Variants in TP63 observed in about 807,000 individuals in gnomAD.
The protein encoded by TP63 is tumor protein 63.
TP63 carries 17 observed loss-of-function variants against 82.8 expected under a neutral mutation model. That is an observed-to-expected ratio of 0.21 (90% CI 0.14 to 0.31). The LOEUF (loss-of-function observed/expected upper bound fraction) is 0.31, where lower values mean the gene tolerates loss of function less well. TP63 is among the 10% of genes least tolerant of loss of function. TP63 has a pLI of 1.00. For missense variants in TP63, 648 were observed against 895.3 expected (o/e 0.72, Z 3.52); for synonymous variants, 330 against 321.7 (o/e 1.03, Z -0.28).
intron 5 of TP63, among the ~76,000 whole-genome samples, chr3:189,864,800 A>G (rs1355879409): frequency 6.6e-6 from 1 of 151,820 alleles, no homozygotes; most frequent in East Asian, 1.9e-4. Flanking sequence ...AGGTCAGGAG[A>G]TCGAGACCAT....
intron 3 of TP63, among the ~76,000 whole-genome samples, chr3:189,779,234 C>T (rs1353990989): frequency 2.5e-4 from 38 of 152,096 alleles, no homozygotes; most frequent in Admixed American, 2.5e-3. Context: ...TTTTTTAATC[C>T]CTTTGTGACA....
chr3:189,626,072 C>T, the TP63 span, among the ~76,000 whole-genome samples: 2 of 152,168 alleles, frequency 1.3e-5, no homozygotes, highest in East Asian at 1.9e-4. Flanking sequence ...AAGCACATGG[C>T]TAAGGTTGCA....
At chr3:189,676,071 A>G (rs1183924062) in intron 1 of TP63, among the ~76,000 whole-genome samples, 1 of 152,164 alleles carries the variant, frequency 6.6e-6, no homozygotes, top group Admixed American at 6.6e-5. Flanking sequence ...GTATAACATT[A>G]TGTTTTGATG....
intron 4 of TP63, among the ~76,000 whole-genome samples, chr3:189,855,329 A>C (rs952887893): frequency 6.6e-6 from 1 of 152,188 alleles, no homozygotes; most frequent in African/African-American, 2.4e-5. Context: ...AAAATTCTAC[A>C]AGAAACTATG....
intron 3 of TP63, among the ~76,000 whole-genome samples, chr3:189,753,839 T>C (rs1721993969): frequency 6.6e-6 from 1 of 152,118 alleles, no homozygotes; most frequent in South Asian, 2.1e-4. Context: ...ATATTTTTAG[T>C]GATGGCTCTA....
chr3:189,618,369 C>A, the TP63 span, among the ~76,000 whole-genome samples: 1 of 152,184 alleles, frequency 6.6e-6, no homozygotes, highest in Non-Finnish European at 1.5e-5. Flanking sequence ...CTGACCCATT[C>A]TTTCCTTTTC....
intron 3 of TP63, among the ~76,000 whole-genome samples, chr3:189,777,944 C>A (rs928564810): frequency 7.2e-6 from 1 of 139,202 alleles, no homozygotes. Context: ...CAACTTCCGT[C>A]TTCCGGGTTC....
At chr3:189,699,413 A>T (rs1377130461) in intron 1 of TP63, among the ~76,000 whole-genome samples, 1 of 152,242 alleles carries the variant, frequency 6.6e-6, no homozygotes, top group African/African-American at 2.4e-5. Flanking sequence ...AATTGGAACA[A>T]TAAGAAATTA....
intron 1 of TP63, among the ~76,000 whole-genome samples, chr3:189,710,991 A>C (rs1294395631): frequency 6.6e-6 from 1 of 152,192 alleles, no homozygotes; most frequent in Non-Finnish European, 1.5e-5. Flanking sequence ...AATAAGTTCA[A>C]TATCAAGAGT....
At chr3:189,883,202 G>A (rs1405577145) in intron 10 of TP63, among the ~76,000 whole-genome samples, 2 of 151,996 alleles carry the variant, frequency 1.3e-5, no homozygotes, top group Non-Finnish European at 2.9e-5. Context: ...AAAAAAGGTT[G>A]TTCTTCAAGG....
chr3:189,800,482 A>T (rs1323824538), intron 3 of TP63, among the ~76,000 whole-genome samples: 1 of 151,410 alleles, frequency 6.6e-6, no homozygotes, highest in African/African-American at 2.4e-5. Flanking sequence ...GAGTAAAAAA[A>T]AAAAAAAGAA....
chr3:189,794,145 T>C (rs1560189944), intron 3 of TP63, among the ~76,000 whole-genome samples: 1 of 152,058 alleles, frequency 6.6e-6, no homozygotes, highest in Non-Finnish European at 1.5e-5. Flanking sequence ...GTTGACAATA[T>C]TCATGAAAAG....
chr3:189,711,700 A>T (rs941064357), intron 1 of TP63, among the ~76,000 whole-genome samples: 3 of 152,218 alleles, frequency 2.0e-5, no homozygotes, highest in Admixed American at 6.6e-5. Flanking sequence ...GTGTTGTAGC[A>T]GTACCATAAT....
In TP63 at chr3:189,817,346, G is replaced by A. The variant is rs531391930; in HGVS notation, c.579+8820G>A. Among the ~76,000 whole-genome samples the A allele has an allele frequency of 1.7e-4, 26 of 152,214 alleles. No individual in the cohort carries two copies. In the East Asian group the frequency reaches 5.0e-3, roughly 29 times the overall value. On this transcript the variant is annotated intron_variant, in intron 4 of 13. Coordinates refer to ENST00000264731, the MANE Select transcript of TP63 (RefSeq NM_003722.5). ...TTGAATTTGAGAAGACATCTGACAG[G>A]CTCCTGAGGAGTGTGACTCATTAAG...
intron 4 of TP63, 76 bp downstream of exon 4, chr3:189,808,602 C>G: frequency 6.2e-7 from 1 of 1,604,084 alleles, no homozygotes; most frequent in Non-Finnish European, 8.5e-7. Flanking sequence ...GGGATTTCTC[C>G]CCCTTCCCAG....
At chr3:189,829,905 A>G in intron 4 of TP63, 1 of 394,706 alleles carries the variant, frequency 2.5e-6, no homozygotes, top group South Asian at 1.9e-5. Context: ...ATTTTTCTGC[A>G]GTAAATTTGT....
intron 4 of TP63, among the ~76,000 whole-genome samples, chr3:189,830,948 T>C (rs750927837): frequency 1.3e-5 from 2 of 152,202 alleles, no homozygotes; most frequent in Non-Finnish European, 2.9e-5. Flanking sequence ...TTTGCAAATG[T>C]GTAAAATTAT....
chr3:189,832,924 CT>C (rs1712578993), intron 4 of TP63, among the ~76,000 whole-genome samples: 1 of 152,204 alleles, frequency 6.6e-6, no homozygotes, highest in Admixed American at 6.5e-5. Context: ...CTGACTTTTA[CT>C]ATTATGCGTC....
At chr3:189,642,096 A>G (rs1047806139) in intron 1 of TP63, among the ~76,000 whole-genome samples, 2 of 152,218 alleles carry the variant, frequency 1.3e-5, no homozygotes, top group East Asian at 1.9e-4. Context: ...AAACATTACT[A>G]TTTAAACAGT....
Sources: allele counts gnomAD v4.1 joint callset (sites outside exome capture counted in the v4.1 genomes callset), GRCh38; gene constraint gnomAD v4.1.1; transcripts MANE v1.5; gene names NCBI Gene and HGNC (gene_info 2026-07-23, HGNC 2026-07-21).